LRRC7: variants seen among roughly 807,000 people sequenced by gnomAD.
LRRC7 encodes leucine-rich repeat-containing protein 7.
LRRC7 carries 23 observed loss-of-function variants against 175.7 expected under a neutral mutation model. The observed-to-expected ratio is 0.13, with a 90% CI of 0.09 to 0.19. LRRC7 has a LOEUF of 0.19. Among genes scored for constraint, LRRC7 ranks in the 10% least tolerant of loss-of-function variants. LRRC7 has a pLI of 1.00. For synonymous variants in LRRC7, 685 were observed against 680.9 expected (o/e 1.01, Z -0.09); for missense variants, 1,354 against 1,904.7 (o/e 0.71, Z 5.38).
intron 2 of LRRC7, among the ~76,000 whole-genome samples, chr1:69,687,529 A>AG (rs1163198283): frequency 6.7e-6 from 1 of 148,940 alleles, no homozygotes; most frequent in Non-Finnish European, 1.5e-5. Context: ...CCAAAAAAAA[A>AG]AAAAAAAAAG....
intron 1 of LRRC7, among the ~76,000 whole-genome samples, chr1:69,644,154 A>G (rs756971525): frequency 3.9e-5 from 6 of 152,098 alleles, no homozygotes; most frequent in Non-Finnish European, 8.8e-5. Flanking sequence ...ATAGCATTCT[A>G]TAAATATCAA....
intron 7 of LRRC7, among the ~76,000 whole-genome samples, chr1:69,924,507 T>C (rs1646996404): frequency 1.3e-5 from 2 of 152,214 alleles, no homozygotes; most frequent in Admixed American, 1.3e-4. Context: ...CTTGAAGAGT[T>C]CCTTCACGTC....
At chr1:69,840,149 TA>T (rs1681566684) in intron 7 of LRRC7, among the ~76,000 whole-genome samples, 1 of 152,032 alleles carries the variant, frequency 6.6e-6, no homozygotes, top group Non-Finnish European at 1.5e-5. Flanking sequence ...GTGTTCATTT[TA>T]TAACTCACAG....
intron 2 of LRRC7, among the ~76,000 whole-genome samples, chr1:69,678,721 A>G (rs369678514): frequency 1.3e-5 from 2 of 152,118 alleles, no homozygotes; most frequent in Non-Finnish European, 2.9e-5. Flanking sequence ...TCCATGTTCA[A>G]ATGAGATGGG....
chr1:69,624,765 C>G (rs906277544), intron 1 of LRRC7, among the ~76,000 whole-genome samples: 2 of 152,092 alleles, frequency 1.3e-5, no homozygotes, highest in Non-Finnish European at 2.9e-5. Flanking sequence ...AAAGCTCATC[C>G]TTTTCTGAAT....
At chr1:69,638,645 T>C (rs1484206973) in intron 1 of LRRC7, among the ~76,000 whole-genome samples, 1 of 151,808 alleles carries the variant, frequency 6.6e-6, no homozygotes, top group Non-Finnish European at 1.5e-5. Flanking sequence ...CAGATATGGG[T>C]ACATTAAATA....
At chr1:69,996,018 C>T (rs1382339898) in intron 11 of LRRC7, among the ~76,000 whole-genome samples, 6 of 149,990 alleles carry the variant, frequency 4.0e-5, no homozygotes, top group Non-Finnish European at 7.4e-5. Context: ...ACAGTCCCAC[C>T]AACAGTGTAA....
intron 1 of LRRC7, among the ~76,000 whole-genome samples, chr1:69,636,499 C>G (rs1244290762): frequency 2.6e-5 from 4 of 151,756 alleles, no homozygotes; most frequent in Admixed American, 1.3e-4. Flanking sequence ...CTATGGTTAT[C>G]TAAACACCTT....
At chr1:69,941,843 T>TG (rs1169951268) in intron 8 of LRRC7, among the ~76,000 whole-genome samples, 1 of 152,092 alleles carries the variant, frequency 6.6e-6, no homozygotes, top group Non-Finnish European at 1.5e-5. Flanking sequence ...ACAAACATCG[T>TG]GTAGTATTTT....
chr1:69,601,802 A>C (rs1647085315), intron 1 of LRRC7, among the ~76,000 whole-genome samples: 1 of 152,168 alleles, frequency 6.6e-6, no homozygotes, highest in African/African-American at 2.4e-5. Flanking sequence ...GTGAATATAC[A>C]TGCTCTTTTG....
At chr1:69,973,005 C>T (rs1009982742) in intron 8 of LRRC7, among the ~76,000 whole-genome samples, 10 of 139,594 alleles carry the variant, frequency 7.2e-5, no homozygotes, top group African/African-American at 2.6e-4. Flanking sequence ...CTACTAGATA[C>T]TATATATATA....
At position 69,813,636 on chromosome 1, in the gene LRRC7, C is replaced by T. The variant is rs377366712; in HGVS notation, c.422-12112C>T. Among the ~76,000 whole-genome samples the T allele has an allele frequency of 7.2e-5, 11 of 152,216 alleles. No individual in the cohort carries two copies. The East Asian group carries it at 7.7e-4, about 11-fold the overall frequency. On this transcript the variant is annotated intron_variant, in intron 4 of 26. Coordinates refer to ENST00000651989, the MANE Select transcript of LRRC7 (RefSeq NM_001370785.2). ...ACCATTTTGCCTATAAAACATAATG[C>T]TTCCCATATAATTACTTTAGAATAC...
Position 70,131,036 on chromosome 1 carries a change from T to C in LRRC7, c.*9149T>C, listed in dbSNP as rs1167224500. ...ACCCCCTATATCCCTAAAGTGAAGA[T>C]GTCATATAGTTCAGCCAAAATTATC... On this transcript the variant is annotated 3_prime_UTR_variant, in exon 27 of 27. Transcript: ENST00000651989. 6.6e-6 allele frequency among the ~76,000 whole-genome samples: 1 copy of C among 152,170 alleles called. No individual in the cohort carries two copies. The highest frequency in any genetic ancestry group is 1.5e-5 in the Non-Finnish European group (1 of 68,032).
At chr1:70,089,903 GT>G (rs555746252) in intron 25 of LRRC7, 84 bp downstream of exon 25, 1 of 1,027,180 alleles carries the variant, frequency 9.7e-7, no homozygotes, top group South Asian at 1.5e-5. Flanking sequence ...AAATTCAAGT[GT>G]TTTTGTTGTG....
chr1:69,808,247 C>T (rs12037127), intron 4 of LRRC7, among the ~76,000 whole-genome samples: 19,031 of 151,452 alleles, frequency 0.13, 1,714 homozygotes, highest in East Asian at 0.41. Context: ...TTAATAAAAC[C>T]CAGATTCAAA....
chr1:69,781,532 A>T (rs949102005), intron 3 of LRRC7, among the ~76,000 whole-genome samples: 8 of 150,732 alleles, frequency 5.3e-5, no homozygotes, highest in African/African-American at 2.0e-4. Context: ...AAATATAAAA[A>T]ATTAGCCAGG....
chr1:69,863,536 A>T (rs1684591234), intron 7 of LRRC7, among the ~76,000 whole-genome samples: 1 of 152,196 alleles, frequency 6.6e-6, no homozygotes, highest in African/African-American at 2.4e-5. Context: ...CTTATTAGAC[A>T]TTTCTATGCC....
intron 23 of LRRC7, among the ~76,000 whole-genome samples, chr1:70,055,894 T>G (rs1226695590): frequency 6.6e-6 from 1 of 152,136 alleles, no homozygotes; most frequent in Non-Finnish European, 1.5e-5. Flanking sequence ...ATGATAAATA[T>G]TAGAACCAAA....
chr1:69,978,866 A>T (rs1653104229), intron 8 of LRRC7, among the ~76,000 whole-genome samples: 1 of 151,430 alleles, frequency 6.6e-6, no homozygotes, highest in Non-Finnish European at 1.5e-5. Context: ...GAACCTAATT[A>T]GATTCCAGAT....
Sources: allele counts gnomAD v4.1 joint callset (sites outside exome capture counted in the v4.1 genomes callset), GRCh38; gene constraint gnomAD v4.1.1; transcripts MANE v1.5; gene names NCBI Gene and HGNC (gene_info 2026-07-23, HGNC 2026-07-21).